DDX60L: variants seen among roughly 807,000 people sequenced by gnomAD.
DDX60L encodes the protein DExD/H-box 60 like.
Under a neutral mutation model 211.6 loss-of-function variants are expected in DDX60L, and 191 were observed. The observed-to-expected ratio is 0.90, with a 90% confidence interval of 0.80 to 1.02. The LOEUF (loss-of-function observed/expected upper bound fraction) is 1.02. DDX60L is among the 50% of genes least tolerant of loss of function. DDX60L has a pLI of 0.00. For missense variants in DDX60L, 2,007 were observed against 1,984.1 expected, an observed-to-expected ratio of 1.01 and a Z score of -0.22; for synonymous variants, 706 against 694.1, an observed-to-expected ratio of 1.02 and a Z score of -0.27.
chr4:168,360,647 G>A (rs1343949250), intron 37 of DDX60L, among the ~76,000 whole-genome samples: 1 of 152,234 alleles, frequency 6.6e-6, no homozygotes, highest in African/African-American at 2.4e-5. Context: ...CCCACATAGA[G>A]TTCATATTTG....
intron 10 of DDX60L, among the ~76,000 whole-genome samples, chr4:168,440,506 A>G (rs2149992247): frequency 6.6e-6 from 1 of 151,786 alleles, no homozygotes; most frequent in East Asian, 1.9e-4. Context: ...CCCCCTCCTC[A>G]GTTTCATCAG....
intron 37 of DDX60L, among the ~76,000 whole-genome samples, chr4:168,359,132 C>A (rs949772878): frequency 6.6e-6 from 1 of 152,168 alleles, no homozygotes; most frequent in African/African-American, 2.4e-5. Flanking sequence ...TGGGATTTGA[C>A]ATTTTGCCAT....
chr4:168,402,003 C>A (rs1746902637), intron 25 of DDX60L, among the ~76,000 whole-genome samples: 1 of 151,922 alleles, frequency 6.6e-6, no homozygotes, highest in Non-Finnish European at 1.5e-5. Context: ...AATATTATCT[C>A]TGTTTTGCAG....
chr4:168,467,321 T>G (rs569304727), intron 4 of DDX60L, among the ~76,000 whole-genome samples: 2 of 151,460 alleles, frequency 1.3e-5, no homozygotes, highest in Non-Finnish European at 2.9e-5. Context: ...AGGTGGGAGG[T>G]TCACTTGAGC....
chr4:168,441,838 A>T (rs894547944), intron 9 of DDX60L, among the ~76,000 whole-genome samples: 25 of 152,182 alleles, frequency 1.6e-4, no homozygotes, highest in African/African-American at 6.0e-4. Context: ...TTAACAAAGG[A>T]ACATCACCAT....
At chr4:168,365,293 A>T (rs2634936) in intron 36 of DDX60L, among the ~76,000 whole-genome samples, 105,876 of 151,730 alleles carry the variant, frequency 0.7, 38,813 homozygotes, top group East Asian at 0.85. Context: ...CTAAGAAAAA[A>T]GAGGGAAGAC....
chr4:168,441,384 C>A lies in DDX60L; in HGVS notation c.1247G>T (p.Arg416Ile). ...TCTAAGAAAATGTCTTCTTGTTGTT[C>A]TCAGAGGAAAAGACTTTCCAACGTT... ...EFNVGKSFPL[R>I]TTRRHFLRQE... Residue 416 changes from arginine (R) to isoleucine (I), a missense_variant, in exon 10 of 38, where the codon AGA becomes ATA. Physicochemically the swap from Arg to Ile is moderately conservative, Grantham distance 97. Transcript: ENST00000682922. 6.2e-7 allele frequency: 1 copy of A among 1,612,058 alleles called. No individual in the cohort carries two copies. The highest frequency in any genetic ancestry group is 8.5e-7 in the Non-Finnish European group (1 of 1,179,058).
At chr4:168,387,497 C>T (rs1744107634) in intron 29 of DDX60L, among the ~76,000 whole-genome samples, 1 of 152,216 alleles carries the variant, frequency 6.6e-6, no homozygotes, top group Admixed American at 6.5e-5. Context: ...CTTTGAAGAG[C>T]CCACTTTCAC....
chr4:168,442,953 T>C (rs1754172711), intron 9 of DDX60L, among the ~76,000 whole-genome samples: 2 of 152,022 alleles, frequency 1.3e-5, no homozygotes, highest in South Asian at 4.1e-4. Context: ...AACTGGAAAC[T>C]ATAAAAAGCA....
Position 168,411,097 on chromosome 4 carries a change from GTT to G in DDX60L, c.2979+4309_2979+4310del, listed in dbSNP as rs148579707. ...GAATGTATACACACACAATTTAGGG[GTT>G]TTTCACTTTTCTATGAAGTCCATCC... On this transcript the variant is annotated intron_variant, in intron 22 of 37. Coordinates refer to ENST00000682922, the MANE Select transcript of DDX60L (RefSeq NM_001012967.3). Among the ~76,000 whole-genome samples the G allele has an allele frequency of 7.7e-4, 117 of 152,290 alleles. 1 individual carries two copies. The East Asian group carries it at 0.014, about 19-fold the overall frequency.
At chr4:168,391,822 C>T (rs1259486162) in intron 28 of DDX60L, among the ~76,000 whole-genome samples, 178 bp from the exon 29 acceptor site, 1 of 152,172 alleles carries the variant, frequency 6.6e-6, no homozygotes, top group Non-Finnish European at 1.5e-5. Flanking sequence ...AAGAACATTG[C>T]TACTTCAGCA....
At chr4:168,430,253 C>T (rs553052416) in intron 13 of DDX60L, among the ~76,000 whole-genome samples, 61 of 152,158 alleles carry the variant, frequency 4.0e-4, no homozygotes, top group Non-Finnish European at 4.7e-4. Context: ...AAGCTGATGC[C>T]ACCACAGTTT....
At chr4:168,425,639 G>A (rs1751335294) in intron 14 of DDX60L, among the ~76,000 whole-genome samples, 1 of 152,134 alleles carries the variant, frequency 6.6e-6, no homozygotes, top group Admixed American at 6.5e-5. Context: ...GCAGGAGCCT[G>A]TAATCCCAGC....
At chr4:168,386,779 C>T (rs928521845) in intron 29 of DDX60L, among the ~76,000 whole-genome samples, 1 of 150,740 alleles carries the variant, frequency 6.6e-6, no homozygotes, top group Non-Finnish European at 1.5e-5. Flanking sequence ...ACAACCCATG[C>T]GAAACAATGA....
chr4:168,374,572 T>C (rs1022668901), intron 34 of DDX60L, among the ~76,000 whole-genome samples: 1 of 152,226 alleles, frequency 6.6e-6, no homozygotes, highest in African/African-American at 2.4e-5. Flanking sequence ...CTGCTAGAAC[T>C]TTCCGTAATG....
rs1334747609 is a variant in DDX60L, at chr4:168,459,754, G to GGGAGGGAAGGAAGGAA, written c.607-1762_607-1747dup. On this transcript the variant is annotated intron_variant, in intron 5 of 37. Coordinates refer to ENST00000682922, the MANE Select transcript of DDX60L (RefSeq NM_001012967.3). ...CTAGGCAATATATCAAGACACCAAA[G>GGGAGGGAAGGAAGGAA]GGAGGGAAGGAAGGAAGGAGGGAAG... Among the ~76,000 whole-genome samples the GGGAGGGAAGGAAGGAA allele has an allele frequency of 7.3e-4, 44 of 60,470 alleles. 5 individuals are homozygous for GGGAGGGAAGGAAGGAA. The highest frequency in any genetic ancestry group is 1.3e-3 in the Non-Finnish European group (39 of 29,774). The allele number at this position is 60,470 out of a possible 152,430, so 39.7% of individuals were successfully genotyped here.
At position 168,443,911 on chromosome 4, in the gene DDX60L, C is replaced by T. The variant is rs368098897; in HGVS notation, c.1139-2419G>A. ...ATGGAAAGGAACAACCGGTACCAGC[C>T]GCTGCAAAATCATGCCAAAATGTAA... On this transcript the variant is annotated intron_variant, in intron 9 of 37. Transcript: ENST00000682922. Among the ~76,000 whole-genome samples, 108 of 141,624 alleles carry T rather than the reference C, an allele frequency of 7.6e-4. 1 individual carries two copies. The highest frequency in any genetic ancestry group is 1.9e-3 in the African/African-American group (73 of 37,538). 92.9% of individuals were successfully genotyped at this position (141,624 alleles called of 152,430 possible). A position where few individuals can be genotyped will look rare whatever the true frequency, so the allele number is the denominator to read the frequency against.
chr4:168,467,473 GC>G (rs1758158586), intron 4 of DDX60L, among the ~76,000 whole-genome samples: 4 of 135,348 alleles, frequency 3.0e-5, no homozygotes, highest in Non-Finnish European at 4.9e-5. Context: ...GAAAGAAGGA[GC>G]TAACTAACAC....
chr4:168,458,546 C>T (rs535903330), intron 5 of DDX60L, among the ~76,000 whole-genome samples: 160 of 152,226 alleles, frequency 1.1e-3, no homozygotes, highest in African/African-American at 3.7e-3. Flanking sequence ...AGCAAACTAA[C>T]GCAGGACCAG....
Sources: allele counts gnomAD v4.1 joint callset (sites outside exome capture counted in the v4.1 genomes callset), GRCh38; gene constraint gnomAD v4.1.1; transcripts MANE v1.5; gene names NCBI Gene and HGNC (gene_info 2026-07-23, HGNC 2026-07-21).